The following MBTD1 variants were observed in gnomAD, a reference collection of about 807,000 sequenced individuals.
MBTD1 encodes the protein mbt domain containing 1.
MBTD1 carries 24 observed loss-of-function variants against 87.8 expected under a neutral mutation model. That is an observed-to-expected ratio of 0.27 (90% CI 0.20 to 0.38). The LOEUF (loss-of-function observed/expected upper bound fraction) is 0.38. Among genes scored for constraint, MBTD1 ranks in the 10% least tolerant of loss-of-function variants. The probability of loss-of-function intolerance (pLI) is 1.00; values close to 1 mark genes in which losing one functional copy is unlikely to be tolerated. For missense variants in MBTD1, 436 were observed against 760.2 expected, an observed-to-expected ratio of 0.57 and a Z score of 5.02; for synonymous variants, 237 against 248.6, an observed-to-expected ratio of 0.95 and a Z score of 0.44.
Position 51,193,494 on chromosome 17 carries a change from AG to A in MBTD1, c.1388del (p.Pro463LeufsTer18). ...LTPPRGYTKL[P>X]FKWFDYLRET... ...CCCTGAGGTAGTCAAACCATTTAAAAGGAAGTTTTGTGTAACCTAAAAAACA... is the reference window on the plus strand; with the variant it reads ...CCCTGAGGTAGTCAAACCATTTAAAAGAAGTTTTGTGTAACCTAAAAAACA... On this transcript the variant is annotated frameshift_variant, in exon 14 of 17. Transcript: ENST00000586178. LOFTEE classifies it high-confidence loss of function. The A allele has an allele frequency of 6.2e-7, 1 of 1,611,644 alleles. No individual in the cohort carries two copies. Among genetic ancestry groups the A allele is most frequent in the Non-Finnish European group, 8.5e-7 (1 of 1,178,840 alleles).
At chr17:51,195,574 C>T (rs1179620451) in intron 12 of MBTD1, among the ~76,000 whole-genome samples, 2 of 152,112 alleles carry the variant, frequency 1.3e-5, no homozygotes, top group South Asian at 4.1e-4. Context: ...GCAGGATTAC[C>T]TATAACTGAC....
Position 51,230,854 on chromosome 17 carries a change from T to C in MBTD1, c.-48-5645A>G, listed in dbSNP as rs145270294. On this transcript the variant is annotated intron_variant, in intron 2 of 16. Transcript: ENST00000586178. ...AAACTATTTATCACAGAGCCTGCTC[T>C]ACACATTTAATAAACACTGGCTAGA... Among the ~76,000 whole-genome samples the C allele has an allele frequency of 2.8e-4, 43 of 152,336 alleles. 1 individual carries two copies. In the East Asian group the frequency reaches 8.1e-3, roughly 29 times the overall value.
At chr17:51,238,502 C>A (rs912365702) in intron 2 of MBTD1, among the ~76,000 whole-genome samples, 2 of 152,110 alleles carry the variant, frequency 1.3e-5, no homozygotes, top group Non-Finnish European at 2.9e-5. Flanking sequence ...GATGTCTCAG[C>A]GTTACAGCTG....
intron 14 of MBTD1, 42 bp downstream of exon 14, chr17:51,193,386 A>C (rs764197705): frequency 1.5e-6 from 2 of 1,320,420 alleles, no homozygotes; most frequent in Non-Finnish European, 2.2e-6. Context: ...TTTGTGGGGC[A>C]TTAATAAGTC....
chr17:51,234,383 G>A (rs546359854), intron 2 of MBTD1, among the ~76,000 whole-genome samples: 3 of 111,070 alleles, frequency 2.7e-5, no homozygotes, highest in Admixed American at 1.2e-4. Flanking sequence ...ACAGAGGAGA[G>A]ACTTTGTCCC....
intron 16 of MBTD1, chr17:51,183,900 T>C (rs919576630): frequency 6.6e-6 from 1 of 152,236 alleles, no homozygotes; most frequent in Non-Finnish European, 1.5e-5. Context: ...CTATGATGAC[T>C]GGATGGCTAA....
At chr17:51,184,375 G>A (rs2050443505) in intron 16 of MBTD1, 1 of 152,174 alleles carries the variant, frequency 6.6e-6, no homozygotes, top group African/African-American at 2.4e-5. Context: ...CAGGAGATAA[G>A]CTAACTGAAA....
intron 2 of MBTD1, among the ~76,000 whole-genome samples, chr17:51,243,043 T>C (rs11079949): frequency 0.39 from 59,515 of 152,106 alleles, 13,193 homozygotes; most frequent in East Asian, 0.6. Flanking sequence ...CTTATGTATC[T>C]GTGTGTTTAT....
At chr17:51,211,099 T>C (rs1390162659) in intron 6 of MBTD1, among the ~76,000 whole-genome samples, 1 of 141,686 alleles carries the variant, frequency 7.1e-6, no homozygotes, top group Non-Finnish European at 1.5e-5. Flanking sequence ...ATGGTGCCAT[T>C]ACACTCCAGC....
At chr17:51,195,994 A>G (rs181304763) in intron 12 of MBTD1, among the ~76,000 whole-genome samples, 2 of 151,482 alleles carry the variant, frequency 1.3e-5, no homozygotes, top group African/African-American at 4.9e-5. Flanking sequence ...TGCAGCCTTG[A>G]CCTCCCCGGC....
intron 6 of MBTD1, among the ~76,000 whole-genome samples, chr17:51,209,843 A>G (rs956922321): frequency 6.6e-6 from 1 of 152,258 alleles, no homozygotes; most frequent in Admixed American, 6.5e-5. Context: ...ACTAACAGGC[A>G]AAGTACATCT....
chr17:51,237,386 T>C (rs2053910736), intron 2 of MBTD1, among the ~76,000 whole-genome samples: 1 of 152,080 alleles, frequency 6.6e-6, no homozygotes, highest in Non-Finnish European at 1.5e-5. Context: ...AGACAATGTT[T>C]AAGAGAATAA....
chr17:51,193,398 TCA>T (rs1478235127), intron 14 of MBTD1, 28 bp downstream of exon 14: 18 of 1,475,302 alleles, frequency 1.2e-5, no homozygotes, highest in Non-Finnish European at 1.5e-5. Context: ...TAATAAGTCC[TCA>T]CATAATTATG....
chr17:51,221,312 A>G (rs949022208), intron 3 of MBTD1, among the ~76,000 whole-genome samples: 1 of 152,174 alleles, frequency 6.6e-6, no homozygotes, highest in Non-Finnish European at 1.5e-5. Flanking sequence ...ACAAAAAACA[A>G]AACAAAACAA....
chr17:51,246,159 G>T (rs530125156), intron 2 of MBTD1, among the ~76,000 whole-genome samples: 1 of 152,150 alleles, frequency 6.6e-6, no homozygotes, highest in Admixed American at 6.5e-5. Flanking sequence ...ATGTGCATAC[G>T]CATAATTAGA....
chr17:51,249,182 G>A (rs2054627462), intron 2 of MBTD1, among the ~76,000 whole-genome samples: 1 of 152,102 alleles, frequency 6.6e-6, no homozygotes, highest in Admixed American at 6.6e-5. Context: ...ATCACCTGAG[G>A]CAGGGAGGTC....
At chr17:51,227,251 A>AT (rs1568207131) in intron 2 of MBTD1, among the ~76,000 whole-genome samples, 9 of 38,302 alleles carry the variant, frequency 2.3e-4, no homozygotes, top group African/African-American at 7.0e-4. Flanking sequence ...CCAAAAAAAA[A>AT]AAAAAAAAAA....
chr17:51,218,464 G>C (rs2052699402), intron 5 of MBTD1, among the ~76,000 whole-genome samples: 1 of 149,180 alleles, frequency 6.7e-6, no homozygotes, highest in Non-Finnish European at 1.5e-5. Context: ...ATGAGGCAGA[G>C]GTTACAGTGA....
intron 3 of MBTD1, among the ~76,000 whole-genome samples, chr17:51,223,592 T>C (rs2053040762): frequency 6.6e-6 from 1 of 151,782 alleles, no homozygotes; most frequent in African/African-American, 2.4e-5. Context: ...TCCCAGCACT[T>C]TGAGAGGCCG....
Sources: allele counts gnomAD v4.1 joint callset (sites outside exome capture counted in the v4.1 genomes callset), GRCh38; gene constraint gnomAD v4.1.1; transcripts MANE v1.5; gene names NCBI Gene and HGNC (gene_info 2026-07-23, HGNC 2026-07-21).